Variants in DLG2 observed in about 807,000 individuals in gnomAD.
DLG2 encodes discs large MAGUK scaffold protein 2, also known as disks large homolog 2.
Under a neutral mutation model 132.5 loss-of-function variants are expected in DLG2, and 45 were observed. The ratio of observed to expected loss-of-function variants is 0.34; its 90% CI spans 0.27 to 0.44. The LOEUF is 0.44. Among genes scored for constraint, DLG2 ranks in the 20% least tolerant of loss-of-function variants. The pLI, the probability that DLG2 is intolerant of heterozygous loss-of-function variation, is 1.00. For missense variants in DLG2, 1,045 were observed against 1,196.9 expected (o/e 0.87, Z 1.87); for synonymous variants, 424 against 419.6 (o/e 1.01, Z -0.13).
chr11:85,006,883 C>G (rs555028607), intron 6 of DLG2, among the ~76,000 whole-genome samples: 2 of 152,182 alleles, frequency 1.3e-5, no homozygotes, highest in African/African-American at 4.8e-5. Context: ...ACAAATTTCC[C>G]TCTAAATATA....
intron 6 of DLG2, among the ~76,000 whole-genome samples, chr11:84,568,670 G>C (rs187111300): frequency 6.6e-6 from 1 of 152,286 alleles, no homozygotes; most frequent in African/African-American, 2.4e-5. Flanking sequence ...CCCAGGCAAA[G>C]AGACTCCCAT....
intron 6 of DLG2, among the ~76,000 whole-genome samples, chr11:84,661,418 C>G (rs1595134452): frequency 6.6e-6 from 1 of 152,268 alleles, no homozygotes; most frequent in East Asian, 1.9e-4. Flanking sequence ...ATTTTATCCT[C>G]TGAACAACAG....
intron 3 of DLG2, among the ~76,000 whole-genome samples, chr11:85,522,599 C>T (rs1451462752): frequency 6.6e-6 from 1 of 152,200 alleles, no homozygotes; most frequent in Non-Finnish European, 1.5e-5. Context: ...GGAGGCTGTA[C>T]CCTGCAAAGC....
intron 3 of DLG2, among the ~76,000 whole-genome samples, chr11:85,534,134 G>C (rs1012993716): frequency 2.8e-4 from 43 of 151,828 alleles, no homozygotes; most frequent in Admixed American, 8.5e-4. Flanking sequence ...ACTACAGGCA[G>C]GCGCAACCAT....
intron 15 of DLG2, among the ~76,000 whole-genome samples, chr11:83,899,464 A>G (rs2072781111): frequency 6.6e-6 from 1 of 152,054 alleles, no homozygotes; most frequent in Non-Finnish European, 1.5e-5. Context: ...CCCAATTCTC[A>G]CCTTGTGGCT....
intron 6 of DLG2, among the ~76,000 whole-genome samples, chr11:84,905,599 G>A (rs1009435885): frequency 6.6e-6 from 1 of 152,100 alleles, no homozygotes; most frequent in Admixed American, 6.5e-5. Context: ...CACCACTCAC[G>A]TCAATAAATG....
chr11:83,638,554 C>A (rs1165907298), intron 18 of DLG2, among the ~76,000 whole-genome samples: 1 of 152,094 alleles, frequency 6.6e-6, no homozygotes, highest in South Asian at 2.1e-4. Context: ...TCATCACTTG[C>A]GAAAATTGTA....
In DLG2 at chr11:83,945,973, C is replaced by CCTTCCTTTCCTTCCTTCCT. The variant is rs1338581440; in HGVS notation, c.1341-15491_1341-15490insAGGAAGGAAGGAAAGGAAG. On this transcript the variant is annotated intron_variant, in intron 14 of 27. Transcript: ENST00000376104. ...CCTTCCTTTCCTTCCTTCCTTTTCT[C>CCTTCCTTTCCTTCCTTCCT]TTTCTCTTTCTCTCTCTCTCTTTTT... 1.6e-3 allele frequency among the ~76,000 whole-genome samples: 222 copies of CCTTCCTTTCCTTCCTTCCT among 142,560 alleles called. 1 individual carries two copies. The Middle Eastern group carries it at 0.022, about 14-fold the overall frequency. 93.5% of individuals were successfully genotyped at this position (142,560 alleles called of 152,430 possible).
chr11:83,718,482 C>T (rs981033899), intron 18 of DLG2, among the ~76,000 whole-genome samples: 1 of 144,814 alleles, frequency 6.9e-6, no homozygotes, highest in Non-Finnish European at 1.5e-5. Context: ...CGAGATTGTG[C>T]CACTGCACTC....
chr11:85,383,730 C>T (rs918315949), intron 3 of DLG2, among the ~76,000 whole-genome samples: 1 of 152,152 alleles, frequency 6.6e-6, no homozygotes. Flanking sequence ...TACTTCAATG[C>T]TAGAAATTGC....
chr11:84,161,857 TC>T (rs1399206936), intron 9 of DLG2, among the ~76,000 whole-genome samples: 2 of 152,182 alleles, frequency 1.3e-5, no homozygotes, highest in East Asian at 3.9e-4. Context: ...TGTTTTTTTG[TC>T]TCATTTGAGC....
At chr11:83,737,220 G>A (rs1188539350) in intron 18 of DLG2, among the ~76,000 whole-genome samples, 2 of 152,174 alleles carry the variant, frequency 1.3e-5, no homozygotes, top group African/African-American at 4.8e-5. Context: ...GATTTTAGGT[G>A]TGAAGCTGTA....
intron 4 of DLG2, among the ~76,000 whole-genome samples, chr11:85,209,111 C>T (rs1170579620): frequency 6.6e-6 from 1 of 152,076 alleles, no homozygotes; most frequent in Non-Finnish European, 1.5e-5. Context: ...AGCTCTATGA[C>T]CTTGCTCCCT....
intron 8 of DLG2, among the ~76,000 whole-genome samples, chr11:84,166,500 C>CAAAAA (rs398016937): frequency 1.5e-3 from 121 of 80,728 alleles, no homozygotes; most frequent in African/African-American, 4.9e-3. Flanking sequence ...GACTCTGCTT[C>CAAAAA]AAAAAAAAAA....
At chr11:84,383,295 T>G (rs950586519) in intron 7 of DLG2, among the ~76,000 whole-genome samples, 3 of 152,062 alleles carry the variant, frequency 2.0e-5, no homozygotes, top group Admixed American at 2.0e-4. Context: ...TAGGTTTTCT[T>G]CAGCTCTGAC....
intron 3 of DLG2, among the ~76,000 whole-genome samples, chr11:85,522,145 CA>C (rs1290892859): frequency 6.6e-6 from 1 of 152,124 alleles, no homozygotes; most frequent in Admixed American, 6.6e-5. Flanking sequence ...TTGCTGTATA[CA>C]GTCTCAGGAC....
chr11:85,043,030 C>T (rs571308976), intron 6 of DLG2, among the ~76,000 whole-genome samples: 1 of 151,698 alleles, frequency 6.6e-6, no homozygotes, highest in Non-Finnish European at 1.5e-5. Flanking sequence ...ATTTTTAAAA[C>T]CTGACATTAC....
chr11:84,843,296 A>G (rs1352929196), intron 6 of DLG2, among the ~76,000 whole-genome samples: 1 of 151,822 alleles, frequency 6.6e-6, no homozygotes, highest in East Asian at 1.9e-4. Context: ...CTGTTAAAAA[A>G]AAAAAACAGA....
chr11:84,555,065 C>G (rs956661845), intron 6 of DLG2, among the ~76,000 whole-genome samples: 1 of 152,048 alleles, frequency 6.6e-6, no homozygotes, highest in Non-Finnish European at 1.5e-5. Flanking sequence ...AGATTACATA[C>G]GGCCTTGTTA....
Sources: gnomAD v4.1 joint callset for allele counts (sites outside exome capture counted in the v4.1 genomes callset) on GRCh38, gnomAD v4.1.1 for gene constraint, MANE v1.5 for transcripts, NCBI Gene and HGNC (gene_info 2026-07-23, HGNC 2026-07-21) for gene names.